The following ERCC5 variants were observed in gnomAD, a reference collection of about 807,000 sequenced individuals.
ERCC5 encodes the protein DNA excision repair protein ERCC-5.
ERCC5 carries 68 observed loss-of-function variants against 105.6 expected under a neutral mutation model. That is an observed-to-expected ratio of 0.64 (90% confidence interval 0.53 to 0.79). The LOEUF is 0.79. ERCC5 is among the 30% of genes least tolerant of loss of function. ERCC5 has a pLI of 0.00. For synonymous variants in ERCC5, 546 were observed against 526.2 expected, an observed-to-expected ratio of 1.04 and a Z score of -0.51; for missense variants, 1,373 against 1,426.7, an observed-to-expected ratio of 0.96 and a Z score of 0.61.
At position 102,846,166 on chromosome 13, in the gene ERCC5, C is replaced by T; in HGVS notation, c.-101C>T. The stretch of plus-strand genomic sequence containing the variant: ...ATTTGCCATCTTTGTTGTGTAGGAG[C>T]AGGGAGGGCTTCCTCCCGGGGTCCT... On this transcript the variant is annotated 5_prime_UTR_variant, in exon 1 of 15. Coordinates refer to ENST00000652225, the MANE Select transcript of ERCC5 (RefSeq NM_000123.4). 1 of 913,124 alleles carries T rather than the reference C, an allele frequency of 1.1e-6. No individual in the cohort carries two copies. The highest frequency in any genetic ancestry group is 1.7e-6 in the Non-Finnish European group (1 of 572,296). The allele number at this position is 913,124 out of a possible 1,614,324, so 56.6% of individuals were successfully genotyped here.
At chr13:102,870,796 C>T (rs4150354) in intron 12 of ERCC5, among the ~76,000 whole-genome samples, 1 of 152,130 alleles carries the variant, frequency 6.6e-6, no homozygotes, top group Non-Finnish European at 1.5e-5. Context: ...CCCTGACAGC[C>T]GGTCTGAGTG....
At chr13:102,846,556 G>C (rs4150251) in intron 1 of ERCC5, among the ~76,000 whole-genome samples, 2 of 152,092 alleles carry the variant, frequency 1.3e-5, no homozygotes, top group Admixed American at 1.3e-4. Flanking sequence ...CCCCTCCTCC[G>C]TATACCACGA....
intron 5 of ERCC5, among the ~76,000 whole-genome samples, 188 bp from the exon 6 acceptor site, chr13:102,858,087 A>T (rs565835250): frequency 1.3e-5 from 2 of 152,338 alleles, no homozygotes; most frequent in South Asian, 4.1e-4. Context: ...TTAAAGAGTG[A>T]ATGGCTACAT....
In ERCC5 at chr13:102,875,713, C is replaced by A. The variant is rs199696019; in HGVS notation, c.3371C>A (p.Thr1124Asn). ...QRRTAAKEPK[T>N]SASDSQNSVK... ...AGAACAGCTGCGAAAGAGCCAAAAA[C>A]CAGTGCTTCAGATTCGCAGAACTCA... Residue 1124 changes from threonine to asparagine, a missense_variant, in exon 15 of 15, where the codon ACC becomes AAC. Coordinates refer to ENST00000652225, the MANE Select transcript of ERCC5 (RefSeq NM_000123.4). The A allele has an allele frequency of 1.2e-6, 2 of 1,614,136 alleles. No homozygotes were observed. The highest frequency in any genetic ancestry group is 4.5e-5 in the East Asian group (2 of 44,890).
Position 102,852,200 on chromosome 13 carries a change from T to C in ERCC5, c.171T>C (p.Thr57=). 1 of 1,614,152 alleles carries C rather than the reference T, an allele frequency of 6.2e-7. No homozygotes were observed. Among genetic ancestry groups the C allele is most frequent in the South Asian group, 1.1e-5 (1 of 91,076 alleles). ...CAATAGAAAATCCTCATCTTCTCAC[T>C]TTGTTTCATCGGCTCTGCAAACTCT... The part of the protein sequence containing the change: ...GNSIENPHLL[T]LFHRLCKLLF... The change falls in exon 2 of 15, where the codon ACT becomes ACC. Residue 57 remains threonine (T), a synonymous_variant. Coordinates refer to ENST00000652225, the MANE Select transcript of ERCC5 (RefSeq NM_000123.4).
chr13:102,854,387 C>T lies in ERCC5; in HGVS notation c.467+13C>T, dbSNP rs776597076. On this transcript the variant is annotated intron_variant, in intron 4 of 14. Transcript: ENST00000652225. ...AAGAAAAACACAGGTAAATGTTTAACTATTTAAGAATATTATTTTAGTCAT... is the reference window on the plus strand; with the variant it reads ...AAGAAAAACACAGGTAAATGTTTAATTATTTAAGAATATTATTTTAGTCAT... The T allele has an allele frequency of 8.1e-6, 13 of 1,611,672 alleles. No homozygotes were observed. The highest frequency in any genetic ancestry group is 1.7e-5 in the Admixed American group (1 of 60,004).
chr13:102,858,384 A>T lies in ERCC5; in HGVS notation c.638A>T (p.Lys213Met), dbSNP rs1478876695. 6.2e-7 allele frequency: 1 copy of T among 1,614,178 alleles called. No individual in the cohort carries two copies. The highest frequency in any genetic ancestry group is 1.7e-5 in the Admixed American group (1 of 60,032). Residue 213 changes from lysine to methionine, a missense_variant, in exon 6 of 15, where the codon AAG (lysine) becomes ATG (methionine). Lys to Met is a moderately conservative substitution (Grantham distance 95). Coordinates refer to ENST00000652225, the MANE Select transcript of ERCC5 (RefSeq NM_000123.4). Reference protein sequence around the residue: ...EILTDMKEFTKRRRTLFEAMP... With the variant: ...EILTDMKEFTMRRRTLFEAMP... ...TTGACTGATATGAAAGAGTTCACCA[A>T]GCGCAGAAGAACATTATTTGAAGCA...
chr13:102,874,679 G>T (rs1014786847), intron 14 of ERCC5: 1 of 152,238 alleles, frequency 6.6e-6, no homozygotes, highest in Admixed American at 6.5e-5. Context: ...CCGCCACCAC[G>T]CCTGGCTAAT....
At chr13:102,856,504 A>G (rs763623786) in intron 5 of ERCC5, among the ~76,000 whole-genome samples, 1 of 152,150 alleles carries the variant, frequency 6.6e-6, no homozygotes, top group Non-Finnish European at 1.5e-5. Flanking sequence ...CTGTGTGTGT[A>G]TTTGTATATA....
chr13:102,868,318 A>T, intron 12 of ERCC5, 61 bp downstream of exon 12: 7 of 1,600,972 alleles, frequency 4.4e-6, no homozygotes, highest in Non-Finnish European at 6.0e-6. Flanking sequence ...AGCAAATAGA[A>T]CTATTATTTA....
intron 6 of ERCC5, among the ~76,000 whole-genome samples, chr13:102,859,354 T>C (rs1189996038): frequency 2.0e-5 from 3 of 152,260 alleles, no homozygotes; most frequent in Admixed American, 6.5e-5. Flanking sequence ...ATTTCTTTTC[T>C]CATCACTCCC....
intron 1 of ERCC5, among the ~76,000 whole-genome samples, chr13:102,848,770 T>C (rs1882078406): frequency 6.6e-6 from 1 of 152,202 alleles, no homozygotes; most frequent in Admixed American, 6.5e-5. Context: ...ATATTTCTTG[T>C]CTAACAATTT....
At position 102,862,124 on chromosome 13, in the gene ERCC5, A is replaced by G. The variant is rs1449474279; in HGVS notation, c.975A>G (p.Pro325=). 1.9e-6 allele frequency: 3 copies of G among 1,614,192 alleles called. No homozygotes were observed. The highest frequency in any genetic ancestry group is 1.7e-5 in the Admixed American group (1 of 60,028). Residue 325 remains proline (P), a synonymous_variant, in exon 8 of 15, where the codon CCA becomes CCG. Transcript: ENST00000652225. ...TGTCTTTTGACGTGAAGTCATCTCC[A>G]TGTGAAAAACTGAAGACAGAGAAAG... ...HGMSFDVKSS[P]CEKLKTEKEP...
In ERCC5 at chr13:102,875,297, AT is replaced by A. The variant is rs1291403485; in HGVS notation, c.2965-3del. 4 of 1,612,390 alleles carry A rather than the reference AT, an allele frequency of 2.5e-6. No homozygotes were observed. Among genetic ancestry groups the A allele is most frequent in the African/African-American group, 2.7e-5 (2 of 74,888 alleles). On this transcript the variant is annotated splice_polypyrimidine_tract_variant and intron_variant, in intron 14 of 14. Transcript: ENST00000652225. ...GATTTATTATTATTATTCTTTTGTTATTTTTTTAGACACAGCTCCGAATTGA... is the reference window on the plus strand; with the variant it reads ...GATTTATTATTATTATTCTTTTGTTATTTTTTAGACACAGCTCCGAATTGA...
chr13:102,872,655 C>T (rs773398917), intron 13 of ERCC5, among the ~76,000 whole-genome samples: 14 of 152,212 alleles, frequency 9.2e-5, no homozygotes, highest in Non-Finnish European at 1.8e-4. Flanking sequence ...TCACTGCAGC[C>T]ACCACTTCCT....
chr13:102,870,933 T>C (rs1333817312), intron 12 of ERCC5, among the ~76,000 whole-genome samples: 2 of 152,218 alleles, frequency 1.3e-5, no homozygotes, highest in East Asian at 3.9e-4. Flanking sequence ...ATTTATTTTT[T>C]CCTAATTGTG....
At chr13:102,858,782 CT>C (rs568289780) in intron 6 of ERCC5, 197 of 421,462 alleles carry the variant, frequency 4.7e-4, no homozygotes, top group African/African-American at 3.5e-3. Context: ...CCAGTAGATG[CT>C]TACTGACTCA....
Position 102,862,618 on chromosome 13 carries a change from A to G in ERCC5, c.1469A>G (p.Asp490Gly). The change falls in exon 8 of 15, where the codon GAT (aspartate) becomes GGT (glycine). Residue 490 changes from aspartate to glycine, a missense_variant. Asp to Gly is a moderately conservative substitution (Grantham distance 94). Coordinates refer to ENST00000652225, the MANE Select transcript of ERCC5 (RefSeq NM_000123.4). ...HVGTEAFPIS[D>G]ESMIKDRKDR... ...GGGACTGAAGCCTTTCCGATAAGTG[A>G]TGAGTCTATGATTAAGGACAGAAAA... The G allele has an allele frequency of 6.2e-7, 1 of 1,614,126 alleles. No homozygotes were observed. The highest frequency in any genetic ancestry group is 1.3e-5 in the African/African-American group (1 of 75,026).
In ERCC5 at chr13:102,868,163, T is replaced by G; in HGVS notation, c.2584T>G (p.Tyr862Asp). The G allele has an allele frequency of 1.2e-6, 2 of 1,614,190 alleles. No homozygotes were observed. Among genetic ancestry groups the G allele is most frequent in the South Asian group, 2.2e-5 (2 of 91,084 alleles). ...INLAYLLGSD[Y>D]TEGIPTVGCV... ...TTTGGCTTATTTGCTTGGAAGTGAT[T>G]ATACCGAAGGAATACCAACTGTGGG... The change falls in exon 12 of 15, where the codon TAT becomes GAT. Residue 862 changes from tyrosine to aspartate, a missense_variant. Physicochemically the swap from Tyr to Asp is radical, Grantham distance 160. Transcript: ENST00000652225.
Sources: allele counts gnomAD v4.1 joint callset (sites outside exome capture counted in the v4.1 genomes callset), GRCh38; gene constraint gnomAD v4.1.1; transcripts MANE v1.5; gene names NCBI Gene and HGNC (gene_info 2026-07-23, HGNC 2026-07-21).